The following TMEM126A variants were observed in gnomAD, a reference collection of about 807,000 sequenced individuals.
The protein encoded by TMEM126A is optic atrophy 7.
TMEM126A carries 10 observed loss-of-function variants against 18.3 expected under a neutral mutation model. The observed-to-expected ratio is 0.55, with a 90% CI of 0.34 to 0.93. TMEM126A has a LOEUF of 0.93. TMEM126A is among the 40% of genes least tolerant of loss of function. The probability of loss-of-function intolerance (pLI) is 0.02; values close to 1 mark genes in which losing one functional copy is unlikely to be tolerated. For synonymous variants in TMEM126A, 68 were observed against 78.1 expected (o/e 0.87, Z 0.68); for missense variants, 246 against 230.2 (o/e 1.07, Z -0.44).
chr11:85,655,001 A>C (rs1352619828), intron 3 of TMEM126A, among the ~76,000 whole-genome samples: 1 of 152,156 alleles, frequency 6.6e-6, no homozygotes, highest in South Asian at 2.1e-4. Flanking sequence ...CACTAAATGC[A>C]TATACATTTA....
At chr11:85,654,724 A>G (rs774879995) in intron 3 of TMEM126A, among the ~76,000 whole-genome samples, 5 of 152,146 alleles carry the variant, frequency 3.3e-5, no homozygotes, top group Non-Finnish European at 7.3e-5. Flanking sequence ...AAGTGCTGGG[A>G]TTACAGGCGT....
chr11:85,655,807 C>G (rs1182531425), intron 4 of TMEM126A, 99 bp downstream of exon 4: 1 of 797,120 alleles, frequency 1.3e-6, no homozygotes, highest in Non-Finnish European at 2.2e-6. Context: ...AGACCAAAGG[C>G]AATGTTACCC....
chr11:85,653,940 C>A, intron 2 of TMEM126A, 123 bp from the exon 3 acceptor site: 2 of 1,205,202 alleles, frequency 1.7e-6, no homozygotes, highest in Non-Finnish European at 2.4e-6. Flanking sequence ...GATTTTGGTT[C>A]TATAAGGGAT....
intron 2 of TMEM126A, among the ~76,000 whole-genome samples, chr11:85,652,957 T>C (rs2082511956): frequency 1.3e-5 from 2 of 151,576 alleles, no homozygotes; most frequent in Non-Finnish European, 2.9e-5. Flanking sequence ...AAAAAAAAAA[T>C]AGGCTTTTCA....
At position 85,655,612 on chromosome 11, in the gene TMEM126A, C is replaced by A. The variant is rs140410138; in HGVS notation, c.299C>A (p.Thr100Asn). ...TTCCTAGGTGATTTGGATTGTGAAA[C>A]CTGTACCATAACACGGAGTGGACTG... ...PLNTGDLDCE[T>N]CTITRSGLTG... Residue 100 changes from threonine to asparagine, a missense_variant, in exon 4 of 5, where the codon ACC becomes AAC. Physicochemically the swap from Thr to Asn is moderately conservative, Grantham distance 65. Transcript: ENST00000304511. The A allele has an allele frequency of 1.4e-5, 23 of 1,613,428 alleles. No individual in the cohort carries two copies. Among genetic ancestry groups the A allele is most frequent in the Non-Finnish European group, 1.8e-5 (21 of 1,179,514 alleles).
chr11:85,656,285 A>G, intron 4 of TMEM126A, 24 bp from the exon 5 acceptor site: 1 of 1,601,930 alleles, frequency 6.2e-7, no homozygotes, highest in Non-Finnish European at 8.5e-7. Flanking sequence ...TTTTCTATTG[A>G]ACTATCTCAA....
In TMEM126A at chr11:85,649,903, C is replaced by CA. The variant is rs111440920; in HGVS notation, c.-7-345dup. ...TTCTGGGTACTAACTACTCTTTTGTCAGTTCTATTGCATTTTCTCCCCCAC... is the reference window on the plus strand; with the variant it reads ...TTCTGGGTACTAACTACTCTTTTGTCAAGTTCTATTGCATTTTCTCCCCCAC... On this transcript the variant is annotated intron_variant, in intron 1 of 4. Transcript: ENST00000304511. Among the ~76,000 whole-genome samples the CA allele has an allele frequency of 7.9e-5, 12 of 152,198 alleles. 1 individual carries two copies. Among genetic ancestry groups the CA allele is most frequent in the African/African-American group, 2.6e-4 (11 of 41,532 alleles).
intron 1 of TMEM126A, among the ~76,000 whole-genome samples, chr11:85,648,936 GTTTT>G (rs760886814): frequency 1.5e-5 from 2 of 132,414 alleles, no homozygotes; most frequent in Non-Finnish European, 1.6e-5. Context: ...TCCCTGAACT[GTTTT>G]TTTTTTTTTT....
chr11:85,655,876 AATTTCAAACAG>A (rs2082534244), intron 4 of TMEM126A, among the ~76,000 whole-genome samples, 168 bp downstream of exon 4: 1 of 152,178 alleles, frequency 6.6e-6, no homozygotes, highest in African/African-American at 2.4e-5. Context: ...ACTTATCAAG[AATTTCAAACAG>A]TTATACTTGG....
At chr11:85,655,839 A>G (rs937792292) in intron 4 of TMEM126A, 131 bp downstream of exon 4, 2 of 650,746 alleles carry the variant, frequency 3.1e-6, no homozygotes, top group African/African-American at 3.7e-5. Context: ...AGTTAGCAAG[A>G]CCTGTTTTTT....
intron 2 of TMEM126A, 87 bp downstream of exon 2, chr11:85,650,428 AT>A: frequency 9.9e-7 from 1 of 1,006,982 alleles, no homozygotes; most frequent in South Asian, 1.4e-5. Context: ...TGGTTTGAGT[AT>A]AAACAACATG....
At chr11:85,651,096 T>C (rs950151307) in intron 2 of TMEM126A, among the ~76,000 whole-genome samples, 3 of 134,924 alleles carry the variant, frequency 2.2e-5, no homozygotes, top group African/African-American at 5.6e-5. Flanking sequence ...AAAAAAGATA[T>C]TAAAGAGAAA....
At chr11:85,652,552 G>C (rs561226190) in intron 2 of TMEM126A, among the ~76,000 whole-genome samples, 13 of 152,114 alleles carry the variant, frequency 8.5e-5, no homozygotes, top group Non-Finnish European at 1.9e-4. Context: ...TCTATTTCTT[G>C]TGTATGTCTT....
At position 85,650,328 on chromosome 11, in the gene TMEM126A, C is replaced by G. The variant is rs533106231; in HGVS notation, c.73C>G (p.Pro25Ala). The G allele has an allele frequency of 1.9e-6, 3 of 1,604,670 alleles. No individual in the cohort carries two copies. The East Asian group carries it at 6.7e-5, about 36-fold the overall frequency. Residue 25 changes from proline to alanine, a missense_variant, in exon 2 of 5, where the codon CCA becomes GCA. Pro to Ala is a conservative substitution (Grantham distance 27, BLOSUM62 -1). Coordinates refer to ENST00000304511, the MANE Select transcript of TMEM126A (RefSeq NM_032273.4). ...TATATCCAGAAAAATTAACCAGCTT[C>G]CAGAAGCAGAAAGGTAAGATCCCTT... The part of the protein sequence containing the change: ...VDISRKINQL[P>A]EAERNLLENG...
At chr11:85,648,995 C>G (rs937660832) in intron 1 of TMEM126A, among the ~76,000 whole-genome samples, 1 of 143,440 alleles carries the variant, frequency 7.0e-6, no homozygotes, top group Non-Finnish European at 1.5e-5. Context: ...AGTGCAGTGG[C>G]GAGATCTCGG....
In TMEM126A at chr11:85,655,485, T is replaced by C. The variant is rs574470089; in HGVS notation, c.281-109T>C. The C allele has an allele frequency of 1.1e-5, 9 of 816,066 alleles. No homozygotes were observed. In the African/African-American group the frequency reaches 1.5e-4, roughly 14 times the overall value. The allele number at this position is 816,066 out of a possible 1,614,324, so 50.6% of individuals were successfully genotyped here. ...ACAGGCTTTGTACAATTACATTTGA[T>C]ATATTACCTGAAAAATACCTGTGAT... On this transcript the variant is annotated intron_variant, in intron 3 of 4. Transcript: ENST00000304511.
rs934405039 is a variant in TMEM126A, at chr11:85,650,430, AAAC to A, written c.86+94_86+96del. On this transcript the variant is annotated intron_variant, in intron 2 of 4. Transcript: ENST00000304511. The stretch of plus-strand genomic sequence containing the variant: ...TCTCAAGTTTATCTGGTTTGAGTAT[AAAC>A]AACATGGAATGTGAGAAGGAAATTG... The A allele has an allele frequency of 4.0e-6, 4 of 1,002,790 alleles. No homozygotes were observed. The Admixed American group carries it at 5.9e-5, about 15-fold the overall frequency. The allele number at this position is 1,002,790 out of a possible 1,614,324, so 62.1% of individuals were successfully genotyped here. A position where few individuals can be genotyped will look rare whatever the true frequency, so the allele number is the denominator to read the frequency against.
chr11:85,650,418 T>C (rs1346305270), intron 2 of TMEM126A, 77 bp downstream of exon 2: 4 of 1,087,062 alleles, frequency 3.7e-6, no homozygotes, highest in Non-Finnish European at 5.6e-6. Context: ...CAAGTTTATC[T>C]GGTTTGAGTA....
intron 2 of TMEM126A, among the ~76,000 whole-genome samples, chr11:85,652,388 C>T (rs915546076): frequency 2.6e-5 from 4 of 152,162 alleles, no homozygotes; most frequent in African/African-American, 7.2e-5. Flanking sequence ...TTTAAATCTT[C>T]ATTTCTTCTT....
Sources: allele counts gnomAD v4.1 joint callset (sites outside exome capture counted in the v4.1 genomes callset), GRCh38; gene constraint gnomAD v4.1.1; transcripts MANE v1.5; gene names NCBI Gene and HGNC (gene_info 2026-07-23, HGNC 2026-07-21).